The following TTLL10 variants were observed in gnomAD, a reference collection of about 807,000 sequenced individuals.
The protein encoded by TTLL10 is tubulin tyrosine ligase like 10.
TTLL10 carries 61 observed loss-of-function variants against 69.0 expected under a neutral mutation model. The observed-to-expected ratio is 0.88, with a 90% CI of 0.72 to 1.09. The LOEUF (loss-of-function observed/expected upper bound fraction) is 1.09. Among genes scored for constraint, TTLL10 ranks in the 50% least tolerant of loss-of-function variants. The pLI, the probability that TTLL10 is intolerant of heterozygous loss-of-function variation, is 0.00. For missense variants in TTLL10, 962 were observed against 945.9 expected (o/e 1.02, Z -0.22); for synonymous variants, 408 against 393.3 (o/e 1.04, Z -0.44).
Position 1,182,458 on chromosome 1 carries a change from C to A in TTLL10, c.916+12C>A. Reference sequence around the variant, plus strand: ...CACCTTGTTTGATGGTGAGACGCTGCTGGCCGGACACCAGGCTGGCCCTGG... The same window carrying A: ...CACCTTGTTTGATGGTGAGACGCTGATGGCCGGACACCAGGCTGGCCCTGG... On this transcript the variant is annotated intron_variant, in intron 10 of 15. Coordinates refer to ENST00000379289, the MANE Select transcript of TTLL10 (RefSeq NM_001130045.2). 1 of 1,613,434 alleles carries A rather than the reference C, an allele frequency of 6.2e-7. No homozygotes were observed. Among genetic ancestry groups the A allele is most frequent in the South Asian group, 1.1e-5 (1 of 91,074 alleles).
chr1:1,180,940 A>T, intron 8 of TTLL10, 80 bp downstream of exon 8: 2 of 1,053,674 alleles, frequency 1.9e-6, no homozygotes, highest in Non-Finnish European at 2.4e-6. Flanking sequence ...CACCCGCCCC[A>T]CCCCTGCCCC....
intron 3 of TTLL10, chr1:1,175,610 C>T (rs1349704478): frequency 1.2e-5 from 5 of 430,598 alleles, no homozygotes; most frequent in South Asian, 3.4e-5. Flanking sequence ...CTCTGCCTCC[C>T]GTCACCCCCA....
rs1192107456 is a variant in TTLL10 at position 1,196,618 on chromosome 1, A to G, written c.1420A>G (p.Met474Val). ...TTLKKRMQQI[M>V]AHCFLAAKPK... Reference sequence around the variant, plus strand: ...CCTGCAGAAGCGGATGCAGCAGATCATGGCCCACTGCTTTCTGGCCGCCAA... The same window carrying G: ...CCTGCAGAAGCGGATGCAGCAGATCGTGGCCCACTGCTTTCTGGCCGCCAA... The change falls in exon 14 of 16, where the codon ATG (methionine) becomes GTG (valine). Residue 474 changes from methionine (M) to valine (V), a missense_variant. Transcript: ENST00000379289. 2 of 1,551,566 alleles carry G rather than the reference A, an allele frequency of 1.3e-6. No homozygotes were observed. The highest frequency in any genetic ancestry group is 2.0e-5 in the Admixed American group (1 of 50,976).
At position 1,179,669 on chromosome 1, in the gene TTLL10, C is replaced by A. The variant is rs372021267; in HGVS notation, c.131C>A (p.Ala44Glu). ...CCCTGCCCTCCAGGGACCATCCCTG[C>A]GTCACGTCTGCACCCAGCACCGGCC... Reference protein sequence around the residue: ...PRARVSGTIPASRLHPAPASQ... With the variant: ...PRARVSGTIPESRLHPAPASQ... The change falls in exon 5 of 16, where the codon GCG becomes GAG. Residue 44 changes from alanine (A) to glutamate (E), a missense_variant. Ala to Glu is a moderately radical substitution (Grantham distance 107). Transcript: ENST00000379289. 8.4e-6 allele frequency: 13 copies of A among 1,550,880 alleles called. No homozygotes were observed. Among genetic ancestry groups the A allele is most frequent in the East Asian group, 2.4e-5 (1 of 40,922 alleles).
At chr1:1,188,785 C>T (rs1647534882) in intron 13 of TTLL10, among the ~76,000 whole-genome samples, 1 of 152,202 alleles carries the variant, frequency 6.6e-6, no homozygotes, top group South Asian at 2.1e-4. Flanking sequence ...GTCTTCCGAT[C>T]CATGAATATA....
At position 1,181,745 on chromosome 1, in the gene TTLL10, G is replaced by C; in HGVS notation, c.760G>C (p.Glu254Gln). The part of the protein sequence containing the change: ...KVPGGVQARL[E>Q]KDAAAPALED... The stretch of plus-strand genomic sequence containing the variant: ...CCTCTGTCCCCTGGGCTGCAGGCTG[G>C]AAAAGGACGCAGCAGCGCCCGCCCT... Residue 254 changes from glutamate (E) to glutamine (Q), a missense_variant, in exon 9 of 16, where the codon GAA becomes CAA. By Grantham distance (29) the Glu-to-Gln change is conservative. Coordinates refer to ENST00000379289, the MANE Select transcript of TTLL10 (RefSeq NM_001130045.2). The surrounding 1 kb of genome is among the most constrained non-coding windows in gnomAD (Gnocchi z 4.6). 1 of 1,601,942 alleles carries C rather than the reference G, an allele frequency of 6.2e-7. No individual in the cohort carries two copies. The highest frequency in any genetic ancestry group is 8.5e-7 in the Non-Finnish European group (1 of 1,175,518).
chr1:1,192,095 G>T (rs550184246), intron 13 of TTLL10, among the ~76,000 whole-genome samples: 1 of 152,332 alleles, frequency 6.6e-6, no homozygotes, highest in East Asian at 1.9e-4. Flanking sequence ...TTGGGGGGGG[G>T]CCTGCTCCCA....
intron 13 of TTLL10, among the ~76,000 whole-genome samples, chr1:1,186,850 GT>G (rs35158481): frequency 0.13 from 18,715 of 140,142 alleles, 2,026 homozygotes; most frequent in East Asian, 0.56. Flanking sequence ...TTTGTTTTTT[GT>G]TTTTTTTTTT....
chr1:1,185,053 G>A lies in TTLL10; in HGVS notation c.1345G>A (p.Asp449Asn), dbSNP rs1647218462. 12 of 1,613,968 alleles carry A rather than the reference G, an allele frequency of 7.4e-6. No individual in the cohort carries two copies. The highest frequency in any genetic ancestry group is 1.0e-5 in the Non-Finnish European group (12 of 1,180,022). ...SMEHLNRYIS[D>N]TFWKARGLAK... ...GGAACACCTCAACCGCTACATCAGT[G>A]ACACGTTCTGGAAGGCCCGGGGCCT... The change falls in exon 13 of 16, where the codon GAC (aspartate) becomes AAC (asparagine). Residue 449 changes from aspartate (D) to asparagine (N), a missense_variant. Coordinates refer to ENST00000379289, the MANE Select transcript of TTLL10 (RefSeq NM_001130045.2). The surrounding 1 kb of genome is among the most constrained non-coding windows in gnomAD (Gnocchi z 6.1).
rs1225857408 is a variant in TTLL10 at position 1,196,568 on chromosome 1, C to T, written c.1402-32C>T. ...TGGGGTGTGATCAGGGCCTACGGGC[C>T]GCAGCCAGGATGCCTCCCTGCCTCC... is the stretch of plus-strand genomic sequence containing the variant. On this transcript the variant is annotated intron_variant, in intron 13 of 15. Coordinates refer to ENST00000379289, the MANE Select transcript of TTLL10 (RefSeq NM_001130045.2). The T allele has an allele frequency of 3.3e-6, 5 of 1,512,832 alleles. No individual in the cohort carries two copies. In the Admixed American group the frequency reaches 7.9e-5, roughly 24 times the overall value. The allele number at this position is 1,512,832 out of a possible 1,614,324, so 93.7% of individuals were successfully genotyped here.
intron 12 of TTLL10, among the ~76,000 whole-genome samples, chr1:1,184,765 C>G (rs1197686156): frequency 7.5e-5 from 7 of 93,596 alleles, no homozygotes; most frequent in Non-Finnish European, 1.8e-4. Context: ...CATGCAGAAG[C>G]CTTCTAGGTT....
In TTLL10 at chr1:1,183,942, G is replaced by A. The variant is rs1160913035; in HGVS notation, c.1111G>A (p.Val371Met). Residue 371 changes from valine (V) to methionine (M), a missense_variant, in exon 12 of 16, where the codon GTG becomes ATG. Physicochemically the swap from Val to Met is conservative, Grantham distance 21 (BLOSUM62 1). Coordinates refer to ENST00000379289, the MANE Select transcript of TTLL10 (RefSeq NM_001130045.2). ...VQRYIQNPLL[V>M]DGRKFDVRSY... ...CAGGTACATCCAGAACCCGCTGCTG[G>A]TGGACGGGAGAAAGTTTGACGTGCG... 1 of 1,614,198 alleles carries A rather than the reference G, an allele frequency of 6.2e-7. No individual in the cohort carries two copies. The highest frequency in any genetic ancestry group is 1.1e-5 in the South Asian group (1 of 91,086).
At chr1:1,176,122 G>A (rs1286988431) in intron 3 of TTLL10, 5 of 442,348 alleles carry the variant, frequency 1.1e-5, no homozygotes, top group Non-Finnish European at 2.2e-5. Flanking sequence ...CGCTGTGCAG[G>A]TGGAGAGAGG....
chr1:1,182,187 G>C (rs948554425), intron 9 of TTLL10, among the ~76,000 whole-genome samples, 174 bp from the exon 10 acceptor site: 4 of 152,338 alleles, frequency 2.6e-5, no homozygotes, highest in Admixed American at 1.3e-4. Flanking sequence ...CAGCCCGTTG[G>C]GGGGGTGCTG....
At position 1,181,303 on chromosome 1, in the gene TTLL10, G is replaced by T. The variant is rs564162103; in HGVS notation, c.756-438G>T. ...TCCAATCCATCCACAATCCCACACC[G>T]TGCCCACCGTCACCTGTGGGTGCCC... On this transcript the variant is annotated intron_variant, in intron 8 of 15. Coordinates refer to ENST00000379289, the MANE Select transcript of TTLL10 (RefSeq NM_001130045.2). This position sits in a 1 kb window ranked among gnomAD's most constrained non-coding sequence, Gnocchi z 4.6. Among the ~76,000 whole-genome samples, 1 of 151,344 alleles carries T rather than the reference G, an allele frequency of 6.6e-6. No homozygotes were observed. The highest frequency in any genetic ancestry group is 2.4e-5 in the African/African-American group (1 of 41,098).
In TTLL10 at chr1:1,180,347, AGCGGCCCTGGGC is replaced by A; in HGVS notation, c.506+10_506+21del. The A allele has an allele frequency of 6.4e-7, 1 of 1,558,954 alleles. No homozygotes were observed. The highest frequency in any genetic ancestry group is 8.7e-7 in the Non-Finnish European group (1 of 1,151,900). ...GCAGCAACGGGGCCACAATGTGAGT[AGCGGCCCTGGGC>A]GCCCGTGGTCCCACTGAATACCCAC... On this transcript the variant is annotated splice_region_variant and intron_variant, in intron 6 of 15. Coordinates refer to ENST00000379289, the MANE Select transcript of TTLL10 (RefSeq NM_001130045.2).
chr1:1,196,316 A>G, intron 13 of TTLL10: 1 of 408,426 alleles, frequency 2.4e-6, no homozygotes. Flanking sequence ...TACGTATCCC[A>G]TTTGCTATCC....
chr1:1,187,202 T>A (rs1557486598), intron 13 of TTLL10, among the ~76,000 whole-genome samples: 1 of 152,186 alleles, frequency 6.6e-6, no homozygotes, highest in East Asian at 1.9e-4. Context: ...GATTTGCCAA[T>A]ATTTTTCTGG....
chr1:1,183,105 T>G, intron 11 of TTLL10, 58 bp downstream of exon 11: 1 of 1,519,392 alleles, frequency 6.6e-7, no homozygotes. Context: ...CGGGCCCCAC[T>G]GGTGCAGTCA....
Sources: allele counts gnomAD v4.1 joint callset (sites outside exome capture counted in the v4.1 genomes callset), GRCh38; gene constraint gnomAD v4.1.1; non-coding constraint Gnocchi (gnomAD v3.1); transcripts MANE v1.5; gene names NCBI Gene and HGNC (gene_info 2026-07-23, HGNC 2026-07-21).